The following GPNMB variants were observed in gnomAD, a reference collection of about 807,000 sequenced individuals.
GPNMB encodes glycoprotein nmb, also known as transmembrane glycoprotein NMB.
Under a neutral mutation model 57.3 loss-of-function variants are expected in GPNMB, and 71 were observed. That is an observed-to-expected ratio of 1.24 (90% CI 1.02 to 1.51). The LOEUF (loss-of-function observed/expected upper bound fraction) is 1.51, where lower values mean the gene tolerates loss of function less well. Ranked by LOEUF, GPNMB falls within the 40% of genes most tolerant of loss-of-function variation. The pLI is 0.00. For missense variants in GPNMB, 677 were observed against 691.9 expected (o/e 0.98, Z 0.24); for synonymous variants, 253 against 263.2 (o/e 0.96, Z 0.38).
rs1783285676 is a variant in GPNMB at position 23,274,307 on chromosome 7, AAG to A, written c.*85_*86del. On this transcript the variant is annotated 3_prime_UTR_variant, in exon 11 of 11. Transcript: ENST00000258733. ...AGTGGCTATTAACCTTTTTTTCCTA[AAG>A]ATTATTGTTAAATAGATATTGTGGT... The A allele has an allele frequency of 5.9e-6, 6 of 1,014,898 alleles. No homozygotes were observed. Among genetic ancestry groups the A allele is most frequent in the Non-Finnish European group, 8.9e-6 (6 of 671,280 alleles). The allele number at this position is 1,014,898 out of a possible 1,614,324, so 62.9% of individuals were successfully genotyped here. A position where few individuals can be genotyped will look rare whatever the true frequency, so the allele number is the denominator to read the frequency against.
rs1782977320 is a variant in GPNMB, at chr7:23,263,413, A to C, written c.1018+2640A>C. On this transcript the variant is annotated intron_variant, in intron 6 of 10. Transcript: ENST00000258733. ...GATCACCTGAGGTCAGGAGTTCGAG[A>C]CCAGCCTGGTCAACATGGTGAAACC... 3.3e-5 allele frequency among the ~76,000 whole-genome samples: 5 copies of C among 152,140 alleles called. 1 individual carries two copies. In the South Asian group the frequency reaches 1.0e-3, roughly 32 times the overall value.
At position 23,267,854 on chromosome 7, in the gene GPNMB, G is replaced by T. The variant is rs571539276; in HGVS notation, c.1118-32G>T. The T allele has an allele frequency of 8.3e-5, 108 of 1,307,826 alleles. 2 individuals are homozygous for T. The South Asian group carries it at 1.2e-3, about 15-fold the overall frequency. The allele number at this position is 1,307,826 out of a possible 1,614,324, so 81.0% of individuals were successfully genotyped here. A position where few individuals can be genotyped will look rare whatever the true frequency, so the allele number is the denominator to read the frequency against. On this transcript the variant is annotated intron_variant, in intron 7 of 10. Coordinates refer to ENST00000258733, the MANE Select transcript of GPNMB (RefSeq NM_002510.3). ...CTTTGTTTGATTTCTGTTGTATTTT[G>T]ATGTGTTTTTCTCTGGGGGTTATTT...
intron 9 of GPNMB, 166 bp from the exon 10 acceptor site, chr7:23,273,355 G>C (rs1783256388): frequency 5.1e-6 from 3 of 585,272 alleles, no homozygotes; most frequent in Non-Finnish European, 6.0e-6. Context: ...TAGAAGATAA[G>C]CTGACCCAAA....
chr7:23,256,987 G>A lies in GPNMB; in HGVS notation c.463G>A (p.Val155Ile), dbSNP rs200717222. The A allele has an allele frequency of 1.8e-5, 29 of 1,613,972 alleles. No individual in the cohort carries two copies. Among genetic ancestry groups the A allele is most frequent in the Middle Eastern group, 1.6e-4 (1 of 6,062 alleles). ...TGGCACCGGCCAAAGCCATCATAAC[G>A]TCTTCCCTGATGGGAAACCTTTTCC... Reference protein sequence around the residue: ...ENGTGQSHHNVFPDGKPFPHH... With the variant: ...ENGTGQSHHNIFPDGKPFPHH... Residue 155 changes from valine to isoleucine, a missense_variant, in exon 4 of 11, where the codon GTC becomes ATC. By Grantham distance (29) the Val-to-Ile change is conservative. Transcript: ENST00000258733.
chr7:23,260,709 A>G lies in GPNMB; in HGVS notation c.954A>G (p.Ala318=). ...TFSLNLTVKA[A]APGPCPPPPP... is the part of the protein sequence containing the mutation. ...GCCTTAACCTCACTGTGAAAGCTGCAGCACCAGGACCTTGTCCGCCACCGC... is the reference window on the plus strand; with the variant it reads ...GCCTTAACCTCACTGTGAAAGCTGCGGCACCAGGACCTTGTCCGCCACCGC... The change falls in exon 6 of 11, where the codon GCA becomes GCG. Residue 318 remains alanine, a synonymous_variant. Transcript: ENST00000258733. 6.2e-7 allele frequency: 1 copy of G among 1,607,954 alleles called. No homozygotes were observed. The highest frequency in any genetic ancestry group is 8.5e-7 in the Non-Finnish European group (1 of 1,175,642).
In GPNMB at chr7:23,267,900, G is replaced by A. The variant is rs1783107470; in HGVS notation, c.1132G>A (p.Val378Ile). 6.2e-7 allele frequency: 1 copy of A among 1,609,904 alleles called. No individual in the cohort carries two copies. Among genetic ancestry groups the A allele is most frequent in the African/African-American group, 1.3e-5 (1 of 74,946 alleles). The stretch of plus-strand genomic sequence containing the variant: ...TATTTTGTTAGAGGGAATCTTAGAG[G>A]TTAACATCATCCAGATGACAGACGT... ...TITIVEGILE[V>I]NIIQMTDVLM... is the part of the protein sequence containing the mutation. Residue 378 changes from valine (V) to isoleucine (I), a missense_variant, in exon 8 of 11, where the codon GTT becomes ATT. Transcript: ENST00000258733.
Position 23,274,451 on chromosome 7 carries a change from C to T in GPNMB, c.*227C>T. On this transcript the variant is annotated 3_prime_UTR_variant, in exon 11 of 11. Coordinates refer to ENST00000258733, the MANE Select transcript of GPNMB (RefSeq NM_002510.3). The stretch of plus-strand genomic sequence containing the variant: ...TGATAAAAGCAACTTAGCAAGGCTT[C>T]TTTTCATTATTTTTTATGTTTCACT... 2.4e-6 allele frequency: 1 copy of T among 408,718 alleles called. No homozygotes were observed. 25.3% of individuals were successfully genotyped at this position (408,718 alleles called of 1,614,324 possible).
chr7:23,259,519 T>G (rs1462649672), intron 4 of GPNMB, among the ~76,000 whole-genome samples: 1 of 152,206 alleles, frequency 6.6e-6, no homozygotes, highest in Non-Finnish European at 1.5e-5. Context: ...TATTAGGAGA[T>G]GGAGGATTCC....
At position 23,256,886 on chromosome 7, in the gene GPNMB, G is replaced by C. The variant is rs373796409; in HGVS notation, c.368-6G>C. The C allele has an allele frequency of 1.9e-5, 31 of 1,612,948 alleles. No homozygotes were observed. The African/African-American group carries it at 2.9e-4, about 15-fold the overall frequency. ...ACACTCATGGCTGGTTTCTATCTCT[G>C]TTTAGAGGCTGGTTTATCTGCTGAT... On this transcript the variant is annotated splice_region_variant and splice_polypyrimidine_tract_variant and intron_variant, in intron 3 of 10. Coordinates refer to ENST00000258733, the MANE Select transcript of GPNMB (RefSeq NM_002510.3).
intron 9 of GPNMB, among the ~76,000 whole-genome samples, chr7:23,270,962 G>A (rs528446483): frequency 1.1e-4 from 16 of 152,320 alleles, no homozygotes; most frequent in Admixed American, 9.8e-4. Flanking sequence ...TAGGATGAAA[G>A]GGAAAGACTA....
intron 9 of GPNMB, among the ~76,000 whole-genome samples, chr7:23,272,200 T>C (rs937741580): frequency 2.6e-5 from 4 of 152,250 alleles, no homozygotes; most frequent in African/African-American, 9.6e-5. Context: ...TTCATTCTAT[T>C]AAGCTTCCTC....
intron 6 of GPNMB, among the ~76,000 whole-genome samples, chr7:23,263,216 A>G (rs1782971743): frequency 6.6e-6 from 1 of 152,184 alleles, no homozygotes; most frequent in Non-Finnish European, 1.5e-5. Flanking sequence ...TGTTTTTCTT[A>G]TAAACTATTT....
chr7:23,268,579 C>T (rs1294366480), intron 8 of GPNMB, among the ~76,000 whole-genome samples: 2 of 152,136 alleles, frequency 1.3e-5, no homozygotes, highest in Non-Finnish European at 2.9e-5. Flanking sequence ...TATATAAATA[C>T]TATATCGATT....
At chr7:23,267,831 T>G in intron 7 of GPNMB, 55 bp from the exon 8 acceptor site, 1 of 1,163,976 alleles carries the variant, frequency 8.6e-7, no homozygotes, top group Non-Finnish European at 1.3e-6. Flanking sequence ...TTGTTTGGCT[T>G]TGTTTGATTT....
Position 23,259,424 on chromosome 7 carries a change from C to T in GPNMB, c.542-556C>T, listed in dbSNP as rs192466060. On this transcript the variant is annotated intron_variant, in intron 4 of 10. Coordinates refer to ENST00000258733, the MANE Select transcript of GPNMB (RefSeq NM_002510.3). Reference sequence around the variant, plus strand: ...GTCTCCATCTCCTGACCTCGTGATCCGCCTGCCTCGGCCTCCCAAAATGCT... The same window carrying T: ...GTCTCCATCTCCTGACCTCGTGATCTGCCTGCCTCGGCCTCCCAAAATGCT... 8.9e-3 allele frequency among the ~76,000 whole-genome samples: 1,347 copies of T among 152,172 alleles called. 6 individuals carry two copies. Among genetic ancestry groups the T allele is most frequent in the Non-Finnish European group, 0.015 (999 of 67,992 alleles).
intron 1 of GPNMB, among the ~76,000 whole-genome samples, chr7:23,252,810 C>A (rs1409379750): frequency 2.0e-5 from 3 of 152,162 alleles, no homozygotes; most frequent in African/African-American, 7.2e-5. Context: ...GTAGACTACA[C>A]AAAGTATATG....
chr7:23,247,969 G>A (rs1461129854), intron 1 of GPNMB: 2 of 152,290 alleles, frequency 1.3e-5, no homozygotes, highest in Non-Finnish European at 2.9e-5. Context: ...AGTGGGCAAG[G>A]AACTCGCCCC....
At chr7:23,273,288 C>T (rs574381011) in intron 9 of GPNMB, 15 of 479,298 alleles carry the variant, frequency 3.1e-5, no homozygotes, top group Non-Finnish European at 4.8e-5. Context: ...CAGGACGTGA[C>T]ATCTCTCCCC....
chr7:23,271,807 C>T (rs2128485698), intron 9 of GPNMB, among the ~76,000 whole-genome samples: 1 of 151,166 alleles, frequency 6.6e-6, no homozygotes, highest in East Asian at 2.0e-4. Flanking sequence ...AACAAACAAA[C>T]ACAACAAAAA....
Sources: gnomAD v4.1 joint callset for allele counts (sites outside exome capture counted in the v4.1 genomes callset) on GRCh38, gnomAD v4.1.1 for gene constraint, MANE v1.5 for transcripts, NCBI Gene and HGNC (gene_info 2026-07-23, HGNC 2026-07-21) for gene names.